GOLIM4: variants seen among roughly 807,000 people sequenced by gnomAD.
GOLIM4 encodes the protein 130 kDa golgi-localized phosphoprotein.
A neutral mutation model predicts 107.4 loss-of-function variants in GOLIM4; 71 were observed. The ratio of observed to expected loss-of-function variants is 0.66; its 90% CI spans 0.55 to 0.81. GOLIM4 has a LOEUF of 0.81. Ranked by LOEUF, GOLIM4 falls within the 30% of genes least tolerant of loss-of-function variation. The pLI, the probability that GOLIM4 is intolerant of heterozygous loss-of-function variation, is 0.00. For synonymous variants in GOLIM4, 327 were observed against 294.8 expected (o/e 1.11, Z -1.12); for missense variants, 830 against 826.1 (o/e 1.00, Z -0.06).
chr3:168,089,918 C>T (rs1045781671), intron 1 of GOLIM4, among the ~76,000 whole-genome samples: 1 of 152,004 alleles, frequency 6.6e-6, no homozygotes, highest in Non-Finnish European at 1.5e-5. Flanking sequence ...TAAGCATGTG[C>T]CACCACACCT....
chr3:168,093,876 T>C (rs1399107220), intron 1 of GOLIM4, among the ~76,000 whole-genome samples: 1 of 152,192 alleles, frequency 6.6e-6, no homozygotes, highest in Non-Finnish European at 1.5e-5. Context: ...CATCTTAAAT[T>C]TTTTACTAGA....
intron 14 of GOLIM4, among the ~76,000 whole-genome samples, chr3:168,015,537 C>G (rs1480220301): frequency 7.3e-6 from 1 of 137,186 alleles, no homozygotes; most frequent in Non-Finnish European, 1.5e-5. Context: ...TTGGAAAAAA[C>G]TACTTTAAAG....
At chr3:168,053,297 G>A (rs1719755203) in intron 1 of GOLIM4, among the ~76,000 whole-genome samples, 1 of 152,198 alleles carries the variant, frequency 6.6e-6, no homozygotes, top group Non-Finnish European at 1.5e-5. Flanking sequence ...ACTGCTAAGT[G>A]TTTTGACATC....
chr3:168,037,493 C>G (rs181867172), intron 7 of GOLIM4, among the ~76,000 whole-genome samples: 2 of 152,070 alleles, frequency 1.3e-5, no homozygotes, highest in East Asian at 3.9e-4. Flanking sequence ...CATATAAATA[C>G]TCAGGCTACC....
At chr3:168,080,757 C>A (rs961195492) in intron 1 of GOLIM4, among the ~76,000 whole-genome samples, 1 of 152,194 alleles carries the variant, frequency 6.6e-6, no homozygotes, top group Non-Finnish European at 1.5e-5. Context: ...TGCAATAGGA[C>A]TTTCCCCACA....
intron 1 of GOLIM4, among the ~76,000 whole-genome samples, chr3:168,078,194 GTTC>G (rs1206738717): frequency 1.3e-5 from 2 of 151,730 alleles, no homozygotes; most frequent in African/African-American, 4.8e-5. Context: ...TCCTTTTTAT[GTTC>G]TTAAGTAATT....
intron 3 of GOLIM4, among the ~76,000 whole-genome samples, chr3:168,046,068 T>C (rs948134657): frequency 5.9e-5 from 9 of 152,148 alleles, no homozygotes; most frequent in African/African-American, 1.9e-4. Flanking sequence ...CTTTGAAGTC[T>C]TGCTATTTTG....
At chr3:168,089,729 G>A (rs1309389129) in intron 1 of GOLIM4, among the ~76,000 whole-genome samples, 1 of 149,510 alleles carries the variant, frequency 6.7e-6, no homozygotes, top group Non-Finnish European at 1.5e-5. Context: ...GGAGATGAAG[G>A]AATAAAAAAA....
At chr3:168,022,342 A>C (rs886761209) in intron 14 of GOLIM4, among the ~76,000 whole-genome samples, 9 of 151,152 alleles carry the variant, frequency 6.0e-5, no homozygotes, top group Non-Finnish European at 1.2e-4. Context: ...TTAAAAAAAA[A>C]AAAACAACAA....
At chr3:168,040,411 G>A (rs191283649) in intron 7 of GOLIM4, among the ~76,000 whole-genome samples, 451 of 152,318 alleles carry the variant, frequency 3.0e-3, no homozygotes, top group African/African-American at 0.01. Flanking sequence ...GAAAAAGTCT[G>A]ACAATAGTTT....
At chr3:168,046,301 TATTTA>T (rs1719299226) in intron 3 of GOLIM4, among the ~76,000 whole-genome samples, 1 of 152,074 alleles carries the variant, frequency 6.6e-6, no homozygotes, top group East Asian at 1.9e-4. Flanking sequence ...TTTATTTATT[TATTTA>T]ATTTTTATTT....
chr3:168,075,619 C>T (rs995735149), intron 1 of GOLIM4, among the ~76,000 whole-genome samples: 4 of 152,092 alleles, frequency 2.6e-5, no homozygotes, highest in Non-Finnish European at 5.9e-5. Context: ...ATTTATCAGG[C>T]CTTAACAAGA....
intron 14 of GOLIM4, 132 bp downstream of exon 14, chr3:168,024,394 T>G (rs1328426024): frequency 5.4e-6 from 4 of 747,142 alleles, no homozygotes; most frequent in Non-Finnish European, 7.1e-6. Context: ...AAACCACCCT[T>G]TCTTATCCTG....
intron 1 of GOLIM4, among the ~76,000 whole-genome samples, chr3:168,083,796 G>A (rs1182011949): frequency 2.6e-5 from 4 of 151,922 alleles, no homozygotes; most frequent in Admixed American, 2.0e-4. Flanking sequence ...AGGCTGCTAC[G>A]AAGGCTGCCC....
chr3:168,044,214 T>C (rs936680257), intron 4 of GOLIM4, among the ~76,000 whole-genome samples: 4 of 152,120 alleles, frequency 2.6e-5, no homozygotes, highest in East Asian at 1.9e-4. Flanking sequence ...GGAAAGACAA[T>C]AGCAAACAGA....
rs192306458 is a variant in GOLIM4, at chr3:168,021,445, C to T, written c.1860+3081G>A. 1.8e-4 allele frequency among the ~76,000 whole-genome samples: 28 copies of T among 152,222 alleles called. No homozygotes were observed. The East Asian group carries it at 3.5e-3, about 19-fold the overall frequency. On this transcript the variant is annotated intron_variant, in intron 14 of 15. Transcript: ENST00000470487. The stretch of plus-strand genomic sequence containing the variant: ...CTTTGGGAGGCAGAGGTGGGAGGAT[C>T]ACCTGAGGTCAGGAGTTCAAGACTA...
At chr3:168,051,553 C>G (rs1719647374) in intron 1 of GOLIM4, among the ~76,000 whole-genome samples, 1 of 152,170 alleles carries the variant, frequency 6.6e-6, no homozygotes. Context: ...CTCATGATTA[C>G]ATGCATGGCA....
chr3:168,056,449 C>T (rs1180701970), intron 1 of GOLIM4, among the ~76,000 whole-genome samples: 1 of 152,142 alleles, frequency 6.6e-6, no homozygotes, highest in East Asian at 1.9e-4. Flanking sequence ...GAGAAGGGGG[C>T]CACTGTCCTC....
At chr3:168,055,136 G>C (rs1279324889) in intron 1 of GOLIM4, among the ~76,000 whole-genome samples, 1 of 152,050 alleles carries the variant, frequency 6.6e-6, no homozygotes. Flanking sequence ...CAGTAGAGTG[G>C]GGTGCTGCTG....
Sources: gnomAD v4.1 joint callset for allele counts (sites outside exome capture counted in the v4.1 genomes callset) on GRCh38, gnomAD v4.1.1 for gene constraint, MANE v1.5 for transcripts, NCBI Gene and HGNC (gene_info 2026-07-23, HGNC 2026-07-21) for gene names.